ZNF160: variants seen among roughly 807,000 people sequenced by gnomAD.
ZNF160 encodes the protein zinc finger protein 160.
Under a neutral mutation model 13.1 loss-of-function variants are expected in ZNF160, and 9 were observed. That is an observed-to-expected ratio of 0.69 (90% CI 0.41 to 1.20). ZNF160 has a LOEUF of 1.20. Ranked by LOEUF, ZNF160 falls within the 50% of genes most tolerant of loss-of-function variation. ZNF160 has a pLI of 0.01. For missense variants in ZNF160, 838 were observed against 988.0 expected (o/e 0.85, Z 2.04); for synonymous variants, 293 against 333.2 (o/e 0.88, Z 1.31).
chr19:53,075,240 T>C, intron 3 of ZNF160, 57 bp from the exon 4 acceptor site: 1 of 1,596,374 alleles, frequency 6.3e-7, no homozygotes, highest in East Asian at 2.2e-5. Flanking sequence ...AAATTTCACA[T>C]AAAAGGAGAA....
intron 1 of ZNF160, among the ~76,000 whole-genome samples, chr19:53,097,649 T>G (rs1003578939): frequency 1.3e-5 from 2 of 152,226 alleles, no homozygotes; most frequent in African/African-American, 4.8e-5. Flanking sequence ...ATGTCTCTAA[T>G]GATGCAATTA....
intron 1 of ZNF160, among the ~76,000 whole-genome samples, chr19:53,102,489 CTTG>C (rs1458310379): frequency 1.3e-5 from 2 of 152,208 alleles, no homozygotes; most frequent in Non-Finnish European, 2.9e-5. Context: ...CTCTCCTTAT[CTTG>C]TTGTCCTGCA....
chr19:53,088,276 G>A (rs1166887124), intron 2 of ZNF160, among the ~76,000 whole-genome samples: 3 of 152,218 alleles, frequency 2.0e-5, no homozygotes, highest in Non-Finnish European at 2.9e-5. Context: ...ATGAATTACG[G>A]CATTTAGGAA....
chr19:53,088,588 C>T (rs329713), intron 2 of ZNF160, among the ~76,000 whole-genome samples: 118,121 of 151,950 alleles, frequency 0.78, 46,051 homozygotes, highest in Middle Eastern at 0.84. Flanking sequence ...AAATAGAGCA[C>T]AAATAGGTAC....
In ZNF160 at chr19:53,066,725, T is replaced by A. The variant is rs747645222; in HGVS notation, c.*1352A>T. 3 of 152,252 alleles carry A rather than the reference T, an allele frequency of 2.0e-5. No individual in the cohort carries two copies. The highest frequency in any genetic ancestry group is 2.9e-5 in the Non-Finnish European group (2 of 68,040). 9.4% of individuals were successfully genotyped at this position (152,252 alleles called of 1,614,324 possible). On this transcript the variant is annotated 3_prime_UTR_variant, in exon 6 of 6. Coordinates refer to ENST00000683776, the MANE Select transcript of ZNF160 (RefSeq NM_001322131.2). Reference sequence around the variant, plus strand: ...AGATAATGTGAGTTCTACTAAAGAATATGTTACTCTACTTCTGTTGATTAA... The same window carrying A: ...AGATAATGTGAGTTCTACTAAAGAAAATGTTACTCTACTTCTGTTGATTAA...
chr19:53,096,446 A>G (rs1260496055), intron 1 of ZNF160, among the ~76,000 whole-genome samples: 3 of 151,312 alleles, frequency 2.0e-5, no homozygotes. Context: ...CCACCCAGAA[A>G]CACATCTGGC....
At chr19:53,081,044 A>C (rs1199889104) in intron 3 of ZNF160, among the ~76,000 whole-genome samples, 1 of 152,168 alleles carries the variant, frequency 6.6e-6, no homozygotes, top group African/African-American at 2.4e-5. Context: ...CTGGATCCCT[A>C]TCTCTCACCA....
Position 53,074,160 on chromosome 19 carries a change from C to A in ZNF160, c.251G>T (p.Cys84Phe), listed in dbSNP as rs1197661945. The change falls in exon 5 of 6, where the codon TGT becomes TTT. Residue 84 changes from cysteine (C) to phenylalanine (F), a missense_variant. Transcript: ENST00000683776. The part of the protein sequence containing the change: ...KIARKPRTPE[C>F]VKGVVTDIPP... ...CTTACCTGTGACCACGCCTTTGACA[C>A]ATTCCGGCGTTCTTGGTTTTCTTGC... The A allele has an allele frequency of 1.2e-6, 2 of 1,614,042 alleles. No individual in the cohort carries two copies. Among genetic ancestry groups the A allele is most frequent in the Admixed American group, 3.3e-5 (2 of 59,992 alleles).
intron 5 of ZNF160, among the ~76,000 whole-genome samples, chr19:53,071,187 C>G (rs1001613937): frequency 6.6e-6 from 1 of 151,696 alleles, no homozygotes; most frequent in African/African-American, 2.4e-5. Context: ...CAAAGCAAGA[C>G]TCCGTCAAAA....
intron 1 of ZNF160, among the ~76,000 whole-genome samples, chr19:53,100,956 CTGGG>C (rs1387200860): frequency 6.0e-5 from 9 of 150,598 alleles, no homozygotes; most frequent in Non-Finnish European, 1.2e-4. Context: ...GCACTACAGC[CTGGG>C]CATCAGAGTA....
At chr19:53,078,108 T>C (rs2084477486) in intron 3 of ZNF160, among the ~76,000 whole-genome samples, 1 of 151,944 alleles carries the variant, frequency 6.6e-6, no homozygotes, top group African/African-American at 2.4e-5. Context: ...GGCATGGTGG[T>C]GGGCACCTGT....
chr19:53,099,431 G>A (rs1455290823), intron 1 of ZNF160, among the ~76,000 whole-genome samples: 1 of 152,196 alleles, frequency 6.6e-6, no homozygotes, highest in African/African-American at 2.4e-5. Flanking sequence ...ACTGGCAGGG[G>A]CCCTGGACGC....
At chr19:53,099,687 G>A (rs2085373695) in intron 1 of ZNF160, among the ~76,000 whole-genome samples, 2 of 152,190 alleles carry the variant, frequency 1.3e-5, no homozygotes, top group Admixed American at 1.3e-4. Flanking sequence ...TTTAATTGCA[G>A]TGGGCACTCC....
At chr19:53,075,454 C>A in intron 3 of ZNF160, 1 of 387,706 alleles carries the variant, frequency 2.6e-6, no homozygotes, top group Non-Finnish European at 4.9e-6. Flanking sequence ...GGATGGAGGG[C>A]GGTCACCGGA....
At chr19:53,094,750 T>C (rs1055731575) in intron 1 of ZNF160, among the ~76,000 whole-genome samples, 7 of 152,174 alleles carry the variant, frequency 4.6e-5, no homozygotes, top group African/African-American at 1.7e-4. Context: ...CATCCCTGCT[T>C]ATTAACTGAA....
chr19:53,071,150 C>T (rs566709958), intron 5 of ZNF160, among the ~76,000 whole-genome samples: 3 of 152,114 alleles, frequency 2.0e-5, no homozygotes, highest in East Asian at 1.9e-4. Context: ...GAGCCGAGAT[C>T]GTGCCACTGC....
chr19:53,067,931 G>T lies in ZNF160; in HGVS notation c.*146C>A, dbSNP rs556653911. ...GACCCTCTGCCACATATGTTTACATGATGTCTCTTGCTTATGGCCTCTCAT... is the reference window on the plus strand; with the variant it reads ...GACCCTCTGCCACATATGTTTACATTATGTCTCTTGCTTATGGCCTCTCAT... On this transcript the variant is annotated 3_prime_UTR_variant, in exon 6 of 6. Coordinates refer to ENST00000683776, the MANE Select transcript of ZNF160 (RefSeq NM_001322131.2). The T allele has an allele frequency of 5.3e-6, 6 of 1,131,502 alleles. No homozygotes were observed. The East Asian group carries it at 9.7e-5, about 18-fold the overall frequency. The allele number at this position is 1,131,502 out of a possible 1,614,324, so 70.1% of individuals were successfully genotyped here.
intron 1 of ZNF160, among the ~76,000 whole-genome samples, chr19:53,101,524 G>A (rs1351806162): frequency 6.6e-6 from 1 of 152,012 alleles, no homozygotes; most frequent in Non-Finnish European, 1.5e-5. Context: ...AGAATGACAT[G>A]AGCCAATACA....
intron 1 of ZNF160, among the ~76,000 whole-genome samples, chr19:53,101,007 G>A (rs1453227106): frequency 1.4e-5 from 2 of 148,098 alleles, no homozygotes; most frequent in African/African-American, 2.5e-5. Context: ...GGCCAGGAGC[G>A]GTGGCTCACG....
Sources: gnomAD v4.1 joint callset for allele counts (sites outside exome capture counted in the v4.1 genomes callset) on GRCh38, gnomAD v4.1.1 for gene constraint, MANE v1.5 for transcripts, NCBI Gene and HGNC (gene_info 2026-07-23, HGNC 2026-07-21) for gene names.